Variants in DOCK8 observed in about 807,000 individuals in gnomAD.
DOCK8 encodes dedicator of cytokinesis 8, also known as dedicator of cytokinesis protein 8.
DOCK8 carries 141 observed loss-of-function variants against 245.6 expected under a neutral mutation model. The ratio of observed to expected loss-of-function variants is 0.57; its 90% CI spans 0.50 to 0.66. The LOEUF is 0.66. Among genes scored for constraint, DOCK8 ranks in the 30% least tolerant of loss-of-function variants. The probability of loss-of-function intolerance (pLI) is 0.00; values close to 1 mark genes in which losing one functional copy is unlikely to be tolerated. For synonymous variants in DOCK8, 1,168 were observed against 970.2 expected (o/e 1.20, Z -3.79); for missense variants, 2,965 against 2,603.4 (o/e 1.14, Z -3.02).
At chr9:230,687 C>T (rs1192801500) in intron 1 of DOCK8, among the ~76,000 whole-genome samples, 2 of 151,336 alleles carry the variant, frequency 1.3e-5, no homozygotes, top group African/African-American at 4.9e-5. Context: ...TTTTTGGCTG[C>T]ATAAATGTCT....
intron 29 of DOCK8, among the ~76,000 whole-genome samples, chr9:415,941 G>T (rs967488487): frequency 7.2e-5 from 11 of 152,266 alleles, no homozygotes; most frequent in African/African-American, 2.6e-4. Context: ...TACTATTACG[G>T]TGACAAGTAT....
intron 42 of DOCK8, among the ~76,000 whole-genome samples, chr9:443,185 G>C (rs2057146780): frequency 6.6e-6 from 1 of 152,172 alleles, no homozygotes; most frequent in Non-Finnish European, 1.5e-5. Flanking sequence ...CAAATATAAT[G>C]ATGTTAGCTG....
chr9:289,377 A>G, intron 3 of DOCK8, 133 bp from the exon 4 acceptor site: 1 of 731,716 alleles, frequency 1.4e-6, no homozygotes, highest in African/African-American at 1.7e-5. Flanking sequence ...ATTTGGAATG[A>G]TTGGGCAAGA....
At chr9:282,986 G>T (rs773116204) in intron 2 of DOCK8, among the ~76,000 whole-genome samples, 2 of 152,140 alleles carry the variant, frequency 1.3e-5, no homozygotes, top group Non-Finnish European at 2.9e-5. Context: ...CTTATGAGAA[G>T]CTCAGAGTGG....
At chr9:403,882 CTCTCTCTCTCTATA>C (rs1463682447) in intron 26 of DOCK8, among the ~76,000 whole-genome samples, 4 of 89,698 alleles carry the variant, frequency 4.5e-5, no homozygotes, top group East Asian at 3.4e-4. Flanking sequence ...CTCTCTCTCT[CTCTCTCTCTCTATA>C]TATATATATA....
At chr9:414,694 G>A in intron 28 of DOCK8, 88 bp from the exon 29 acceptor site, 2 of 1,522,730 alleles carry the variant, frequency 1.3e-6, no homozygotes, top group Non-Finnish European at 1.8e-6. Context: ...CATTGCTTAG[G>A]AGCGTTTTCA....
At chr9:278,718 G>A (rs993772360) in intron 2 of DOCK8, among the ~76,000 whole-genome samples, 3 of 152,190 alleles carry the variant, frequency 2.0e-5, no homozygotes, top group East Asian at 1.9e-4. Flanking sequence ...TACGTGCAAA[G>A]TCCCCAAAAC....
chr9:328,239 TG>T, intron 9 of DOCK8, 68 bp downstream of exon 9: 4 of 1,547,028 alleles, frequency 2.6e-6, no homozygotes, highest in Non-Finnish European at 3.5e-6. Context: ...AGCACATGTT[TG>T]GGGTGCACGC....
intron 14 of DOCK8, among the ~76,000 whole-genome samples, chr9:361,619 C>G (rs796131430): frequency 1.9e-4 from 29 of 152,268 alleles, no homozygotes; most frequent in African/African-American, 7.0e-4. Flanking sequence ...AATCCCATCT[C>G]CCCTGGTATA....
At chr9:221,156 A>G (rs976716949) in intron 1 of DOCK8, among the ~76,000 whole-genome samples, 3 of 152,194 alleles carry the variant, frequency 2.0e-5, no homozygotes, top group Non-Finnish European at 2.9e-5. Flanking sequence ...TGGTGAAACT[A>G]AGCAAATTGA....
chr9:356,383 A>G (rs1221726565), intron 14 of DOCK8, among the ~76,000 whole-genome samples: 1 of 151,980 alleles, frequency 6.6e-6, no homozygotes, highest in African/African-American at 2.4e-5. Context: ...AAAAAAAACT[A>G]GCCAGGCGTG....
intron 2 of DOCK8, among the ~76,000 whole-genome samples, chr9:280,374 A>G (rs900293716): frequency 2.6e-5 from 4 of 152,196 alleles, no homozygotes; most frequent in African/African-American, 9.7e-5. Context: ...AATGAATGAA[A>G]GGAGGCGTAT....
intron 1 of DOCK8, among the ~76,000 whole-genome samples, chr9:234,413 C>G (rs1053710752): frequency 6.6e-6 from 1 of 152,126 alleles, no homozygotes; most frequent in Non-Finnish European, 1.5e-5. Flanking sequence ...TTGTGGCGTT[C>G]TCTGTATTTT....
intron 43 of DOCK8, among the ~76,000 whole-genome samples, chr9:446,161 C>T (rs1400578785): frequency 2.0e-5 from 3 of 152,360 alleles, no homozygotes; most frequent in East Asian, 3.9e-4. Flanking sequence ...CCCACAGGCA[C>T]ATTCCCCTCT....
At position 306,810 on chromosome 9, in the gene DOCK8, G is replaced by A. The variant is rs552575514; in HGVS notation, c.528+2106G>A. Among the ~76,000 whole-genome samples, 55 of 152,306 alleles carry A rather than the reference G, an allele frequency of 3.6e-4. No homozygotes were observed. The South Asian group carries it at 0.011, about 30-fold the overall frequency. On this transcript the variant is annotated intron_variant, in intron 5 of 47. Coordinates refer to ENST00000432829, the MANE Select transcript of DOCK8 (RefSeq NM_203447.4). ...CAATTTGAGGACTGCAGGTCTAGGG[G>A]AAGATCTTGGAGTTGTCAGAACGTA...
At chr9:410,775 A>T (rs1366575232) in intron 28 of DOCK8, among the ~76,000 whole-genome samples, 1 of 152,248 alleles carries the variant, frequency 6.6e-6, no homozygotes, top group Non-Finnish European at 1.5e-5. Flanking sequence ...AATCCGCAAG[A>T]TGAAAAGCTT....
chr9:245,484 A>G (rs1054829687), intron 1 of DOCK8, among the ~76,000 whole-genome samples: 2 of 152,168 alleles, frequency 1.3e-5, no homozygotes, highest in African/African-American at 2.4e-5. Flanking sequence ...CTGGGATTAC[A>G]TGCATGAGCC....
chr9:414,726 C>G, intron 28 of DOCK8, 56 bp from the exon 29 acceptor site: 1 of 1,608,202 alleles, frequency 6.2e-7, no homozygotes, highest in Admixed American at 1.7e-5. Context: ...TGTTTAAGAG[C>G]TCTTTAGTCA....
At chr9:404,403 T>C (rs2055316945) in intron 26 of DOCK8, among the ~76,000 whole-genome samples, 1 of 152,158 alleles carries the variant, frequency 6.6e-6, no homozygotes, top group Non-Finnish European at 1.5e-5. Flanking sequence ...ACTATGTACT[T>C]TGCTAAACAG....
Sources: gnomAD v4.1 joint callset for allele counts (sites outside exome capture counted in the v4.1 genomes callset) on GRCh38, gnomAD v4.1.1 for gene constraint, MANE v1.5 for transcripts, NCBI Gene and HGNC (gene_info 2026-07-23, HGNC 2026-07-21) for gene names.